Variants in PCDHA3 observed in about 807,000 individuals in gnomAD.
The protein encoded by PCDHA3 is protocadherin alpha-3.
PCDHA3 carries 41 observed loss-of-function variants against 62.2 expected under a neutral mutation model. That is an observed-to-expected ratio of 0.66 (90% confidence interval 0.51 to 0.86). The LOEUF (loss-of-function observed/expected upper bound fraction) is 0.86, where lower values mean the gene tolerates loss of function less well. Ranked by LOEUF, PCDHA3 falls within the 40% of genes least tolerant of loss-of-function variation. The pLI, the probability that PCDHA3 is intolerant of heterozygous loss-of-function variation, is 0.00. For synonymous variants in PCDHA3, 640 were observed against 555.4 expected (o/e 1.15, Z -2.14); for missense variants, 1,304 against 1,241.2 (o/e 1.05, Z -0.76).
chr5:140,864,192 T>A (rs528891456), intron 1 of PCDHA3: 1 of 152,324 alleles, frequency 6.6e-6, no homozygotes, highest in Admixed American at 6.5e-5. Flanking sequence ...TAATGATCCT[T>A]ATGAGAAGGT....
intron 1 of PCDHA3, chr5:140,870,883 C>G: frequency 6.2e-7 from 1 of 1,613,920 alleles, no homozygotes; most frequent in South Asian, 1.1e-5. Flanking sequence ...GGCGAAGGTG[C>G]GCGCAGTGGA....
intron 1 of PCDHA3, among the ~76,000 whole-genome samples, chr5:140,826,922 A>T (rs910520079): frequency 6.6e-6 from 1 of 152,170 alleles, no homozygotes; most frequent in Non-Finnish European, 1.5e-5. Flanking sequence ...TGAAAGACAG[A>T]TGGACTTAGG....
intron 1 of PCDHA3, among the ~76,000 whole-genome samples, chr5:140,894,005 G>A (rs1365314012): frequency 6.6e-6 from 1 of 152,072 alleles, no homozygotes; most frequent in Non-Finnish European, 1.5e-5. Context: ...TGTATGGTTG[G>A]TTCAAATTAC....
At position 140,838,077 on chromosome 5, in the gene PCDHA3, A is replaced by T. The variant is rs13165987; in HGVS notation, c.2394+34486A>T. ...TTTCCACTTTAAGTTATATATATATAGTGTGTGTGTGTGTGTGTGTGTGTG... is the reference window on the plus strand; with the variant it reads ...TTTCCACTTTAAGTTATATATATATTGTGTGTGTGTGTGTGTGTGTGTGTG... On this transcript the variant is annotated intron_variant, in intron 1 of 3. Coordinates refer to ENST00000522353, the MANE Select transcript of PCDHA3 (RefSeq NM_018906.3). 6.6e-3 allele frequency among the ~76,000 whole-genome samples: 531 copies of T among 80,680 alleles called. 3 individuals carry two copies. The highest frequency in any genetic ancestry group is 0.029 in the Middle Eastern group (4 of 136). The allele number at this position is 80,680 out of a possible 152,430, so 52.9% of individuals were successfully genotyped here. A position where few individuals can be genotyped will look rare whatever the true frequency, so the allele number is the denominator to read the frequency against.
At chr5:140,891,402 C>T (rs2153434100) in intron 1 of PCDHA3, among the ~76,000 whole-genome samples, 1 of 151,650 alleles carries the variant, frequency 6.6e-6, no homozygotes, top group East Asian at 1.9e-4. Context: ...TATCCCTCGC[C>T]ACCCCCCACT....
intron 3 of PCDHA3, among the ~76,000 whole-genome samples, chr5:140,986,642 T>C (rs1213431039): frequency 6.6e-6 from 1 of 152,174 alleles, no homozygotes; most frequent in Non-Finnish European, 1.5e-5. Flanking sequence ...ACATTAGTTT[T>C]AGAGTGGGAG....
chr5:140,929,167 T>G (rs781804558), intron 1 of PCDHA3: 2 of 1,614,144 alleles, frequency 1.2e-6, no homozygotes, highest in Non-Finnish European at 1.7e-6. Context: ...CTATCGGGCC[T>G]CTCTGGGACT....
At chr5:140,877,633 C>A (rs1366996546) in intron 1 of PCDHA3, 7 of 1,613,622 alleles carry the variant, frequency 4.3e-6, no homozygotes, top group Non-Finnish European at 5.1e-6. Context: ...GTACACTGCG[C>A]TGCGTTGCTC....
intron 1 of PCDHA3, chr5:140,882,018 A>G (rs2058907575): frequency 1.8e-6 from 1 of 559,242 alleles, no homozygotes; most frequent in South Asian, 4.1e-5. Flanking sequence ...AAAATACTAC[A>G]TCAATGGAAA....
chr5:140,993,363 C>T (rs925225156), intron 3 of PCDHA3, among the ~76,000 whole-genome samples: 1 of 151,918 alleles, frequency 6.6e-6, no homozygotes, highest in Non-Finnish European at 1.5e-5. Context: ...CTCACAAAAA[C>T]TACCTCCCAG....
chr5:140,913,572 T>C (rs1000646852), intron 1 of PCDHA3, among the ~76,000 whole-genome samples: 1 of 152,146 alleles, frequency 6.6e-6, no homozygotes, highest in Non-Finnish European at 1.5e-5. Context: ...TTTCATCATT[T>C]CAAATATATT....
At chr5:140,837,677 T>C (rs2150278472) in intron 1 of PCDHA3, among the ~76,000 whole-genome samples, 1 of 151,824 alleles carries the variant, frequency 6.6e-6, no homozygotes, top group South Asian at 2.1e-4. Flanking sequence ...CTTTTTCTTT[T>C]TTCTTTCTTC....
intron 3 of PCDHA3, among the ~76,000 whole-genome samples, chr5:140,995,158 A>G (rs1554254485): frequency 6.6e-6 from 1 of 152,180 alleles, no homozygotes; most frequent in African/African-American, 2.4e-5. Flanking sequence ...TATATACATT[A>G]TGTTCTTTCA....
At chr5:141,006,007 T>C (rs1554260471) in intron 3 of PCDHA3, among the ~76,000 whole-genome samples, 1 of 151,298 alleles carries the variant, frequency 6.6e-6, no homozygotes, top group African/African-American at 2.4e-5. Flanking sequence ...AGAAGGCCTG[T>C]ATGGTTGGAG....
intron 1 of PCDHA3, chr5:140,809,166 C>G: frequency 6.2e-7 from 1 of 1,613,942 alleles, no homozygotes; most frequent in Non-Finnish European, 8.5e-7. Flanking sequence ...CCCGCGCTGA[C>G]GGCCACGGCC....
At chr5:140,822,393 A>G in intron 1 of PCDHA3, 1 of 1,614,138 alleles carries the variant, frequency 6.2e-7, no homozygotes, top group Non-Finnish European at 8.5e-7. Flanking sequence ...AAACACAAGA[A>G]CACCGTTTAT....
intron 1 of PCDHA3, chr5:140,969,111 G>A (rs1554231464): frequency 4.3e-6 from 7 of 1,614,116 alleles, no homozygotes; most frequent in Non-Finnish European, 5.9e-6. Flanking sequence ...ATTGAAGTTC[G>A]AGGGAATGGC....
intron 3 of PCDHA3, 60 bp from the exon 4 acceptor site, chr5:141,009,567 A>T: frequency 6.3e-7 from 1 of 1,575,430 alleles, no homozygotes; most frequent in Admixed American, 1.8e-5. Flanking sequence ...CTCTACCAGC[A>T]GTGTGGCATC....
intron 1 of PCDHA3, chr5:140,856,002 G>C: frequency 6.5e-7 from 1 of 1,534,758 alleles, no homozygotes; most frequent in South Asian, 1.2e-5. Context: ...TCGTATGTGC[G>C]TTCTAGACCG....
Sources: allele counts gnomAD v4.1 joint callset (sites outside exome capture counted in the v4.1 genomes callset), GRCh38; gene constraint gnomAD v4.1.1; transcripts MANE v1.5; gene names NCBI Gene and HGNC (gene_info 2026-07-23, HGNC 2026-07-21).